Variants in CTNS observed in about 807,000 individuals in gnomAD.
CTNS encodes the protein cystinosin, lysosomal cystine transporter.
Under a neutral mutation model 43.7 loss-of-function variants are expected in CTNS, and 27 were observed. The ratio of observed to expected loss-of-function variants is 0.62; its 90% CI spans 0.46 to 0.85. The LOEUF (loss-of-function observed/expected upper bound fraction) is 0.85. Among genes scored for constraint, CTNS ranks in the 40% least tolerant of loss-of-function variants. The pLI is 0.00. For missense variants in CTNS, 457 were observed against 475.4 expected (o/e 0.96, Z 0.36); for synonymous variants, 187 against 190.6 (o/e 0.98, Z 0.16).
chr17:3,649,001 G>A, intron 5 of CTNS, 70 bp downstream of exon 5: 3 of 1,285,668 alleles, frequency 2.3e-6, no homozygotes, highest in Admixed American at 1.7e-5. Context: ...TTAAGAGCTG[G>A]TGGAAACAGG....
intron 2 of CTNS, 171 bp from the exon 3 acceptor site, chr17:3,640,017 T>G (rs1483490416): frequency 1.3e-5 from 8 of 609,200 alleles, no homozygotes; most frequent in Non-Finnish European, 2.4e-5. Flanking sequence ...CAAAGAAAGA[T>G]AAGTCCTCTC....
chr17:3,643,280 C>G (rs1212781077), intron 3 of CTNS, among the ~76,000 whole-genome samples: 1 of 151,964 alleles, frequency 6.6e-6, no homozygotes, highest in Non-Finnish European at 1.5e-5. Flanking sequence ...TGCCACTGCA[C>G]TCCAGCCTGG....
Position 3,656,483 on chromosome 17 carries a change from G to GC in CTNS, c.462-3dup. The GC allele has an allele frequency of 6.3e-7, 1 of 1,582,814 alleles. No individual in the cohort carries two copies. The highest frequency in any genetic ancestry group is 8.5e-7 in the Non-Finnish European group (1 of 1,171,322). ...GCCCTGTCTTGTCCCTCCACCCCCT[G>GC]CAGTGTCATTGGTCTGAGCTTCGAC... On this transcript the variant is annotated splice_region_variant and splice_polypyrimidine_tract_variant and intron_variant, in intron 7 of 11. Transcript: ENST00000046640.
At chr17:3,640,116 G>T in intron 2 of CTNS, 72 bp from the exon 3 acceptor site, 2 of 1,222,836 alleles carry the variant, frequency 1.6e-6, no homozygotes, top group Non-Finnish European at 2.4e-6. Flanking sequence ...GCTCCAGAGG[G>T]CAGATTGTCT....
At chr17:3,652,169 G>C (rs1361135266) in intron 5 of CTNS, among the ~76,000 whole-genome samples, 2 of 152,226 alleles carry the variant, frequency 1.3e-5, no homozygotes, top group African/African-American at 4.8e-5. Flanking sequence ...AGTGGTCTAG[G>C]AGCCAGGCCT....
At chr17:3,649,238 A>G (rs114723290) in intron 5 of CTNS, among the ~76,000 whole-genome samples, 5,756 of 152,198 alleles carry the variant, frequency 0.038, 373 homozygotes, top group African/African-American at 0.13. Context: ...CACCTGAGGT[A>G]GGAAGTTCGA....
rs1273931643 is a variant in CTNS, at chr17:3,662,631, A to G, written c.*2262A>G. 6.6e-6 allele frequency among the ~76,000 whole-genome samples: 1 copy of G among 152,224 alleles called. No individual in the cohort carries two copies. The highest frequency in any genetic ancestry group is 2.4e-5 in the African/African-American group (1 of 41,466). On this transcript the variant is annotated 3_prime_UTR_variant, in exon 12 of 12. Coordinates refer to ENST00000046640, the MANE Select transcript of CTNS (RefSeq NM_004937.3). ...GGTTGGGAGCAAGTAGGGGCTTCACAGTAACACCCAAGAAAGCACACGCAC... is the reference window on the plus strand; with the variant it reads ...GGTTGGGAGCAAGTAGGGGCTTCACGGTAACACCCAAGAAAGCACACGCAC...
At chr17:3,655,954 A>T (rs1201134758) in intron 7 of CTNS, 2 of 272,180 alleles carry the variant, frequency 7.3e-6, no homozygotes, top group Non-Finnish European at 1.4e-5. Context: ...TGGTGGTAGC[A>T]GGAGGGACCT....
chr17:3,646,337 C>A (rs982387388), intron 3 of CTNS, among the ~76,000 whole-genome samples: 2 of 145,592 alleles, frequency 1.4e-5, no homozygotes, highest in East Asian at 4.1e-4. Context: ...GTTGCCCAGG[C>A]TGGAATGCAG....
intron 3 of CTNS, among the ~76,000 whole-genome samples, chr17:3,642,281 C>T (rs1291987529): frequency 1.3e-5 from 2 of 151,762 alleles, no homozygotes; most frequent in African/African-American, 4.8e-5. Context: ...GGAAGCAGGC[C>T]CAGAGAGGGT....
chr17:3,657,917 C>CT, intron 9 of CTNS, 88 bp from the exon 10 acceptor site: 1 of 1,531,102 alleles, frequency 6.5e-7, no homozygotes, highest in Non-Finnish European at 8.9e-7. Flanking sequence ...GTGCCCCTCT[C>CT]TAAGCCCGCC....
At chr17:3,651,964 A>C (rs1186255563) in intron 5 of CTNS, among the ~76,000 whole-genome samples, 1 of 84,176 alleles carries the variant, frequency 1.2e-5, no homozygotes. Flanking sequence ...ACAGAATGAG[A>C]CCCTGTCTCA....
At chr17:3,638,140 C>T (rs1430175787) in intron 2 of CTNS, among the ~76,000 whole-genome samples, 5 of 151,994 alleles carry the variant, frequency 3.3e-5, no homozygotes, top group South Asian at 2.1e-4. Context: ...AGGAAGGGCA[C>T]GCCAGACAGA....
chr17:3,650,270 C>A (rs1358071899), intron 5 of CTNS: 1 of 1,550,348 alleles, frequency 6.5e-7, no homozygotes, highest in Non-Finnish European at 8.7e-7. Context: ...CCCTAGGAAG[C>A]AAACAGGAGT....
chr17:3,662,567 C>A lies in CTNS; in HGVS notation c.*2198C>A, dbSNP rs947494343. ...AGGCACCTCTGGGTGTCCCTACGGC[C>A]CCTCCCAGGTGGGAGCTGAGGCTAG... On this transcript the variant is annotated 3_prime_UTR_variant, in exon 12 of 12. Coordinates refer to ENST00000046640, the MANE Select transcript of CTNS (RefSeq NM_004937.3). 2.0e-5 allele frequency among the ~76,000 whole-genome samples: 3 copies of A among 152,124 alleles called. No individual in the cohort carries two copies. The highest frequency in any genetic ancestry group is 6.5e-5 in the Admixed American group (1 of 15,278).
chr17:3,655,468 C>T, intron 7 of CTNS, 116 bp downstream of exon 7: 1 of 1,493,666 alleles, frequency 6.7e-7, no homozygotes, highest in Non-Finnish European at 9.2e-7. Flanking sequence ...GTCTGCCTAC[C>T]CTTTCCAGAA....
intron 10 of CTNS, among the ~76,000 whole-genome samples, chr17:3,659,100 G>A (rs1005826159): frequency 6.6e-6 from 1 of 152,178 alleles, no homozygotes; most frequent in Non-Finnish European, 1.5e-5. Context: ...TGGAGGGGCA[G>A]CAGCAAGTAC....
chr17:3,647,691 G>A, intron 4 of CTNS, 169 bp downstream of exon 4: 1 of 683,800 alleles, frequency 1.5e-6, no homozygotes. Context: ...TGCAGGATGG[G>A]ATCGCAAAGG....
At chr17:3,650,119 C>T (rs2075944090) in intron 5 of CTNS, 4 of 1,540,042 alleles carry the variant, frequency 2.6e-6, no homozygotes, top group Admixed American at 3.9e-5. Flanking sequence ...CAAAGCATCA[C>T]GTTATATACT....
Sources: gnomAD v4.1 joint callset for allele counts (sites outside exome capture counted in the v4.1 genomes callset) on GRCh38, gnomAD v4.1.1 for gene constraint, MANE v1.5 for transcripts, NCBI Gene and HGNC (gene_info 2026-07-23, HGNC 2026-07-21) for gene names.